The following IL1RAPL2 variants were observed in gnomAD, a reference collection of about 807,000 sequenced individuals.
IL1RAPL2 encodes interleukin 1 receptor accessory protein like 2, also known as X-linked interleukin-1 receptor accessory protein-like 2.
IL1RAPL2 carries 3 observed loss-of-function variants against 44.1 expected under a neutral mutation model. That is an observed-to-expected ratio of 0.07 (90% confidence interval 0.03 to 0.18). The LOEUF (loss-of-function observed/expected upper bound fraction) is 0.18. Among genes scored for constraint, IL1RAPL2 ranks in the 10% least tolerant of loss-of-function variants. The pLI is 1.00. For missense variants in IL1RAPL2, 391 were observed against 496.4 expected (o/e 0.79, Z 2.02); for synonymous variants, 181 against 178.8 (o/e 1.01, Z -0.10).
chrX:104,776,362 A>G (rs143949526), intron 2 of IL1RAPL2, among the ~76,000 whole-genome samples: 2,141 of 112,000 alleles, frequency 0.019, 51 homozygotes, highest in African/African-American at 0.064. Flanking sequence ...TAGGGAAAAA[A>G]TGCCTTTGGA....
chrX:104,651,962 G>A lies in IL1RAPL2; in HGVS notation c.-19-6933G>A, dbSNP rs182551804. Among the ~76,000 whole-genome samples, 162 of 111,693 alleles carry A rather than the reference G, an allele frequency of 1.5e-3. 1 individual carries two copies. The highest frequency in any genetic ancestry group is 5.0e-3 in the African/African-American group (154 of 30,807). ...AACTCTAAGGATTTGAATGTAGGTAGTTTATTTGGGAGGTGATCCCAGGAA... is the reference window on the plus strand; with the variant it reads ...AACTCTAAGGATTTGAATGTAGGTAATTTATTTGGGAGGTGATCCCAGGAA... On this transcript the variant is annotated intron_variant, in intron 1 of 10. Transcript: ENST00000372582.
chrX:105,011,281 T>G (rs1011464886), intron 2 of IL1RAPL2, among the ~76,000 whole-genome samples: 1 of 111,574 alleles, frequency 9.0e-6, no homozygotes, highest in African/African-American at 3.2e-5. Flanking sequence ...TTATTATGAT[T>G]CCCCCAGGTT....
intron 6 of IL1RAPL2, among the ~76,000 whole-genome samples, chrX:105,557,814 A>C (rs1490512640): frequency 6.3e-5 from 7 of 111,612 alleles, no homozygotes; most frequent in Non-Finnish European, 1.1e-4. Context: ...TGACAGTAGA[A>C]AAAAAATGTG....
At chrX:105,075,370 C>G (rs2032278877) in intron 2 of IL1RAPL2, among the ~76,000 whole-genome samples, 1 of 111,483 alleles carries the variant, frequency 9.0e-6, no homozygotes, top group Non-Finnish European at 1.9e-5. Flanking sequence ...GTTGAACCAG[C>G]CTTGCATCCC....
intron 2 of IL1RAPL2, among the ~76,000 whole-genome samples, chrX:105,038,546 T>A (rs1273921726): frequency 9.0e-6 from 1 of 111,118 alleles, no homozygotes; most frequent in Non-Finnish European, 1.9e-5. Context: ...CTGTTTCTTT[T>A]TTTAACTTTG....
chrX:105,074,810 G>A (rs374899063), intron 2 of IL1RAPL2, among the ~76,000 whole-genome samples: 69 of 109,069 alleles, frequency 6.3e-4, no homozygotes, highest in Non-Finnish European at 1.1e-3. Flanking sequence ...GCAATTGTGA[G>A]TGGGAGTTCA....
chrX:105,070,449 T>G (rs1357509586), intron 2 of IL1RAPL2, among the ~76,000 whole-genome samples: 1 of 111,496 alleles, frequency 9.0e-6, no homozygotes, highest in Non-Finnish European at 1.9e-5. Flanking sequence ...ATACCAGCAC[T>G]TTGGGAGGCT....
chrX:104,648,276 CA>C (rs973691484), intron 1 of IL1RAPL2, among the ~76,000 whole-genome samples: 1 of 112,024 alleles, frequency 8.9e-6, no homozygotes, highest in African/African-American at 3.2e-5. Context: ...CTACCCATGA[CA>C]AGGTATTTAG....
chrX:105,350,649 A>G (rs892246930), intron 5 of IL1RAPL2, among the ~76,000 whole-genome samples: 12 of 112,000 alleles, frequency 1.1e-4, no homozygotes, highest in African/African-American at 3.6e-4. Context: ...GCTTGAACCC[A>G]GGAGGCAGAG....
chrX:104,698,893 C>T (rs1432585280), intron 2 of IL1RAPL2, among the ~76,000 whole-genome samples: 1 of 111,680 alleles, frequency 9.0e-6, no homozygotes, highest in African/African-American at 3.3e-5. Context: ...GGCTATACTT[C>T]TATAAGAGAC....
At chrX:104,953,791 AC>A (rs1925644332) in intron 2 of IL1RAPL2, among the ~76,000 whole-genome samples, 2 of 111,923 alleles carry the variant, frequency 1.8e-5, no homozygotes, top group Admixed American at 9.5e-5. Flanking sequence ...AAATTTAGTC[AC>A]CCTAATCAAC....
At chrX:104,918,415 GA>G (rs199891589) in intron 2 of IL1RAPL2, among the ~76,000 whole-genome samples, 1 of 109,935 alleles carries the variant, frequency 9.1e-6, no homozygotes, top group African/African-American at 3.3e-5. Context: ...ATGTTAACTG[GA>G]AAAAAAACAA....
chrX:105,195,498 G>C lies in IL1RAPL2; in HGVS notation c.106G>C (p.Val36Leu). 8.3e-7 allele frequency: 1 copy of C among 1,211,847 alleles called. No individual in the cohort carries two copies. The highest frequency in any genetic ancestry group is 1.1e-6 in the Non-Finnish European group (1 of 895,308). The change falls in exon 3 of 11, where the codon GTG (valine) becomes CTG (leucine). Residue 36 changes from valine to leucine, a missense_variant. By Grantham distance (32) the Val-to-Leu change is conservative. Transcript: ENST00000372582. ...NSVDGCIDWS[V>L]DLKTYMALAG... ...AGTGGATGGCTGCATTGACTGGTCA[G>C]TGGATCTCAAGACATACATGGCTTT...
chrX:105,706,419 A>ATTGTT (rs1259660952), intron 6 of IL1RAPL2, among the ~76,000 whole-genome samples: 1 of 111,902 alleles, frequency 8.9e-6, no homozygotes, highest in Non-Finnish European at 1.9e-5. Flanking sequence ...AGACTAGCCA[A>ATTGTT]TTGTTTTACC....
At chrX:105,498,301 C>T (rs757937245) in intron 6 of IL1RAPL2, among the ~76,000 whole-genome samples, 6 of 111,320 alleles carry the variant, frequency 5.4e-5, no homozygotes, top group East Asian at 2.8e-4. Context: ...TATAATAGTA[C>T]GGAAAAGAAT....
intron 6 of IL1RAPL2, among the ~76,000 whole-genome samples, chrX:105,508,050 G>A (rs1460318234): frequency 9.0e-6 from 1 of 111,394 alleles, no homozygotes; most frequent in East Asian, 2.8e-4. Flanking sequence ...TCTGCAGAGT[G>A]GCTTTTGAAA....
In IL1RAPL2 at chrX:104,913,924, G is replaced by T. The variant is rs192799956; in HGVS notation, c.82+254929G>T. 7.5e-3 allele frequency among the ~76,000 whole-genome samples: 835 copies of T among 111,943 alleles called. 1 individual carries two copies. Among genetic ancestry groups the T allele is most frequent in the Non-Finnish European group, 0.013 (682 of 53,167 alleles). ...TTTTGGTTGCTGGGAGTAGAAATTTGGTTGGGAGTGATAAATTTTCTGCAT... is the reference window on the plus strand; with the variant it reads ...TTTTGGTTGCTGGGAGTAGAAATTTTGTTGGGAGTGATAAATTTTCTGCAT... On this transcript the variant is annotated intron_variant, in intron 2 of 10. Coordinates refer to ENST00000372582, the MANE Select transcript of IL1RAPL2 (RefSeq NM_017416.2).
chrX:104,933,543 G>T (rs1056694019), intron 2 of IL1RAPL2, among the ~76,000 whole-genome samples: 1 of 111,760 alleles, frequency 8.9e-6, no homozygotes, highest in Non-Finnish European at 1.9e-5. Context: ...ATATGAAGTA[G>T]TGGTAAATTA....
At chrX:105,704,537 A>C (rs1192907928) in intron 6 of IL1RAPL2, among the ~76,000 whole-genome samples, 1 of 111,962 alleles carries the variant, frequency 8.9e-6, no homozygotes, top group Non-Finnish European at 1.9e-5. Context: ...TAAAATATTA[A>C]ATATACTTTA....
Sources: gnomAD v4.1 joint callset for allele counts (sites outside exome capture counted in the v4.1 genomes callset) on GRCh38, gnomAD v4.1.1 for gene constraint, MANE v1.5 for transcripts, NCBI Gene and HGNC (gene_info 2026-07-23, HGNC 2026-07-21) for gene names.